Variants in ASAP1 observed in about 807,000 individuals in gnomAD.
The protein encoded by ASAP1 is ArfGAP with SH3 domain, ankyrin repeat and PH domain 1.
A neutral mutation model predicts 145.2 loss-of-function variants in ASAP1; 43 were observed. The observed-to-expected ratio is 0.30, with a 90% CI of 0.23 to 0.38. The LOEUF (loss-of-function observed/expected upper bound fraction) is 0.38, where lower values mean the gene tolerates loss of function less well. Ranked by LOEUF, ASAP1 falls within the 10% of genes least tolerant of loss-of-function variation. The pLI is 1.00. For synonymous variants in ASAP1, 546 were observed against 515.5 expected, an observed-to-expected ratio of 1.06 and a Z score of -0.80; for missense variants, 1,018 against 1,355.3, an observed-to-expected ratio of 0.75 and a Z score of 3.91.
chr8:130,278,048 C>A (rs1821021092), intron 3 of ASAP1, among the ~76,000 whole-genome samples: 1 of 150,448 alleles, frequency 6.6e-6, no homozygotes, highest in African/African-American at 2.4e-5. Context: ...TGACAAGAGA[C>A]CTAATAAGTG....
At chr8:130,199,200 G>A (rs1033987262) in intron 5 of ASAP1, among the ~76,000 whole-genome samples, 2 of 152,210 alleles carry the variant, frequency 1.3e-5, no homozygotes, top group African/African-American at 2.4e-5. Flanking sequence ...CTAGAGCAAA[G>A]CTTCTTGGAG....
intron 3 of ASAP1, among the ~76,000 whole-genome samples, chr8:130,293,580 T>C (rs1822075616): frequency 6.6e-6 from 1 of 152,070 alleles, no homozygotes; most frequent in South Asian, 2.1e-4. Flanking sequence ...AAGTAGTAAG[T>C]AAGGATTCCC....
intron 3 of ASAP1, among the ~76,000 whole-genome samples, chr8:130,252,083 T>A (rs146054860): frequency 6.6e-6 from 1 of 152,198 alleles, no homozygotes; most frequent in East Asian, 1.9e-4. Context: ...TATAGAAAGT[T>A]AGAAGTAACC....
chr8:130,188,816 A>G (rs1814937429), intron 5 of ASAP1, among the ~76,000 whole-genome samples: 2 of 152,072 alleles, frequency 1.3e-5, no homozygotes, highest in African/African-American at 4.8e-5. Flanking sequence ...ATACTACAGT[A>G]CACGTATATG....
At position 130,341,374 on chromosome 8, in the gene ASAP1, T is replaced by C. The variant is rs73417927; in HGVS notation, c.186+16643A>G. Among the ~76,000 whole-genome samples the C allele has an allele frequency of 3.1e-3, 475 of 152,282 alleles. 2 individuals carry two copies. The highest frequency in any genetic ancestry group is 0.01 in the African/African-American group (424 of 41,566). ...TTAACCAAGCATCAGTTGTGGGATC[T>C]TGGGTAAGAACTGCAAGCAGAGCAG... On this transcript the variant is annotated intron_variant, in intron 3 of 29. Transcript: ENST00000518721.
chr8:130,216,166 G>A (rs1816918252), intron 4 of ASAP1, among the ~76,000 whole-genome samples: 1 of 152,150 alleles, frequency 6.6e-6, no homozygotes, highest in African/African-American at 2.4e-5. Context: ...AAATTCATGT[G>A]TCCTAACAGG....
intron 25 of ASAP1, chr8:130,082,945 A>C (rs1001270974): frequency 2.0e-5 from 3 of 152,228 alleles, no homozygotes; most frequent in African/African-American, 7.2e-5. Flanking sequence ...TAAATGAGTT[A>C]TAACAATCAA....
rs577105657 is a variant in ASAP1 at position 130,148,043 on chromosome 8, T to C, written c.1080+4693A>G. On this transcript the variant is annotated intron_variant, in intron 13 of 29. Transcript: ENST00000518721. ...ATAAATTCTTAGAACACTTGCATTATCTTCATGACAAGTACTCCTCCTTCT... is the reference window on the plus strand; with the variant it reads ...ATAAATTCTTAGAACACTTGCATTACCTTCATGACAAGTACTCCTCCTTCT... Among the ~76,000 whole-genome samples the C allele has an allele frequency of 1.2e-4, 19 of 152,358 alleles. 1 individual carries two copies. The South Asian group carries it at 2.9e-3, about 23-fold the overall frequency.
At chr8:130,271,067 A>G (rs1352568343) in intron 3 of ASAP1, among the ~76,000 whole-genome samples, 1 of 152,330 alleles carries the variant, frequency 6.6e-6, no homozygotes, top group East Asian at 1.9e-4. Context: ...AGGATGGCCC[A>G]CTGATCAGGA....
At chr8:130,401,129 G>A (rs1212340175) in intron 2 of ASAP1, among the ~76,000 whole-genome samples, 6 of 152,036 alleles carry the variant, frequency 3.9e-5, no homozygotes, top group African/African-American at 9.6e-5. Context: ...TGATTCTCCC[G>A]CCTCGGCCTC....
chr8:130,066,651 T>C (rs2097431515), intron 27 of ASAP1, among the ~76,000 whole-genome samples: 1 of 152,144 alleles, frequency 6.6e-6, no homozygotes, highest in Non-Finnish European at 1.5e-5. Context: ...ATTCATTTGA[T>C]GGGTGTTTAG....
At chr8:130,125,818 A>C (rs561594540) in intron 17 of ASAP1, 138 bp downstream of exon 17, 23 of 803,654 alleles carry the variant, frequency 2.9e-5, no homozygotes, top group Non-Finnish European at 4.0e-5. Flanking sequence ...GTTACATTTT[A>C]AACGTCTACG....
chr8:130,176,343 G>C (rs1813951226), intron 9 of ASAP1, among the ~76,000 whole-genome samples: 1 of 152,182 alleles, frequency 6.6e-6, no homozygotes, highest in South Asian at 2.1e-4. Flanking sequence ...TGCCTATTAA[G>C]AGTTTTGAGG....
intron 3 of ASAP1, among the ~76,000 whole-genome samples, chr8:130,242,366 T>C (rs2136733956): frequency 6.6e-6 from 1 of 151,892 alleles, no homozygotes; most frequent in South Asian, 2.1e-4. Flanking sequence ...AGAGGTCATT[T>C]AAAAAATGCT....
chr8:130,399,056 G>A (rs922236221), intron 2 of ASAP1, among the ~76,000 whole-genome samples: 1 of 152,202 alleles, frequency 6.6e-6, no homozygotes, highest in African/African-American at 2.4e-5. Flanking sequence ...ATATAAGTAG[G>A]AACAGGAGGT....
chr8:130,257,549 T>A (rs1819635464), intron 3 of ASAP1, among the ~76,000 whole-genome samples: 1 of 152,178 alleles, frequency 6.6e-6, no homozygotes, highest in African/African-American at 2.4e-5. Flanking sequence ...TAGAAAATAC[T>A]TAAATTTGAG....
chr8:130,431,342 C>T (rs996847861), intron 1 of ASAP1, among the ~76,000 whole-genome samples: 1 of 152,198 alleles, frequency 6.6e-6, no homozygotes, highest in African/African-American at 2.4e-5. Context: ...GGTTCCTCAG[C>T]GGCTTCAAGA....
chr8:130,398,949 C>T (rs1828655273), intron 2 of ASAP1, among the ~76,000 whole-genome samples: 1 of 152,222 alleles, frequency 6.6e-6, no homozygotes, highest in Non-Finnish European at 1.5e-5. Context: ...CAATAACTCT[C>T]AATTTGGTAA....
chr8:130,434,289 A>G (rs116583710), intron 1 of ASAP1, among the ~76,000 whole-genome samples: 3,180 of 152,250 alleles, frequency 0.021, 119 homozygotes, highest in African/African-American at 0.074. Context: ...GAGCTGCCAT[A>G]GCGCCACTGC....
Sources: gnomAD v4.1 joint callset for allele counts (sites outside exome capture counted in the v4.1 genomes callset) on GRCh38, gnomAD v4.1.1 for gene constraint, MANE v1.5 for transcripts, NCBI Gene and HGNC (gene_info 2026-07-23, HGNC 2026-07-21) for gene names.